Variants in RASAL1 observed in about 807,000 individuals in gnomAD.
RASAL1 encodes rasGAP-activating-like protein 1.
Under a neutral mutation model 96.6 loss-of-function variants are expected in RASAL1, and 72 were observed. The ratio of observed to expected loss-of-function variants is 0.75; its 90% CI spans 0.62 to 0.91. The LOEUF (loss-of-function observed/expected upper bound fraction) is 0.91, where lower values mean the gene tolerates loss of function less well. Ranked by LOEUF, RASAL1 falls within the 40% of genes least tolerant of loss-of-function variation. The probability of loss-of-function intolerance (pLI) is 0.00; values close to 1 mark genes in which losing one functional copy is unlikely to be tolerated. For missense variants in RASAL1, 1,016 were observed against 1,072.5 expected (o/e 0.95, Z 0.74); for synonymous variants, 405 against 430.4 (o/e 0.94, Z 0.73).
intron 20 of RASAL1, 141 bp downstream of exon 20, chr12:113,100,487 C>T (rs1390762823): frequency 4.5e-6 from 3 of 666,690 alleles, no homozygotes; most frequent in Non-Finnish European, 7.8e-6. Flanking sequence ...TTAGTAGAGA[C>T]AGGGTTTCAC....
chr12:113,114,896 T>C lies in RASAL1; in HGVS notation c.1085A>G (p.Tyr362Cys), dbSNP rs1434451337. 6.2e-7 allele frequency: 1 copy of C among 1,613,908 alleles called. No individual in the cohort carries two copies. The highest frequency in any genetic ancestry group is 8.5e-7 in the Non-Finnish European group (1 of 1,179,922). Reference sequence around the variant, plus strand: ...CACAGGCTTCAGGACCTCGTGCAGGTAGGGCATGCCCACGAGCTGGGGGCA... The same window carrying C: ...CACAGGCTTCAGGACCTCGTGCAGGCAGGGCATGCCCACGAGCTGGGGGCA... ...EQFMKLVGMP[Y>C]LHEVLKPVIS... Residue 362 changes from tyrosine (Y) to cysteine (C), a missense_variant, in exon 12 of 21, where the codon TAC (tyrosine) becomes TGC (cysteine). Physicochemically the swap from Tyr to Cys is radical, Grantham distance 194. Coordinates refer to ENST00000548055, the MANE Select transcript of RASAL1 (RefSeq NM_001301202.2).
chr12:113,112,776 C>A (rs1412505693), intron 12 of RASAL1, among the ~76,000 whole-genome samples: 13 of 152,090 alleles, frequency 8.5e-5, no homozygotes. Context: ...CATGGTGAAA[C>A]TCCATCTCCA....
intron 7 of RASAL1, among the ~76,000 whole-genome samples, chr12:113,117,779 C>T (rs1426976393): frequency 6.6e-6 from 1 of 152,196 alleles, no homozygotes; most frequent in African/African-American, 2.4e-5. Flanking sequence ...GTAGATTTGC[C>T]TATTCTAGAC....
chr12:113,105,921 G>A (rs961578683), intron 15 of RASAL1, 35 bp from the exon 16 acceptor site: 3 of 1,587,234 alleles, frequency 1.9e-6, no homozygotes, highest in Admixed American at 3.4e-5. Flanking sequence ...TGGACAGTGA[G>A]CCCTCCCTAA....
Position 113,114,920 on chromosome 12 carries a change from C to T in RASAL1, c.1069-8G>A, listed in dbSNP as rs1157420171. 3 of 1,607,040 alleles carry T rather than the reference C, an allele frequency of 1.9e-6. No homozygotes were observed. The highest frequency in any genetic ancestry group is 2.6e-6 in the Non-Finnish European group (3 of 1,174,180). On this transcript the variant is annotated splice_polypyrimidine_tract_variant and splice_region_variant and intron_variant, in intron 11 of 20. Coordinates refer to ENST00000548055, the MANE Select transcript of RASAL1 (RefSeq NM_001301202.2). The stretch of plus-strand genomic sequence containing the variant: ...GTAGGGCATGCCCACGAGCTGGGGG[C>T]AGGGGGCACCACACGGGGTGGGGCT...
Position 113,105,734 on chromosome 12 carries a change from A to T in RASAL1, c.1810T>A (p.Ser604Thr), listed in dbSNP as rs137949771. 1,032 of 1,611,092 alleles carry T rather than the reference A, an allele frequency of 6.4e-4. No individual in the cohort carries two copies. Among genetic ancestry groups the T allele is most frequent in the Non-Finnish European group, 8.2e-4 (966 of 1,178,172 alleles). ...CCCACCTGCCACTCAGGACTCTTGG[A>T]GAAGGAGAGGGTCTCCCCGCTGAGC... ...VWLSGETLSF[S>T]KSPEWQMCHS... is the part of the protein sequence containing the mutation. Residue 604 changes from serine (S) to threonine (T), a missense_variant, in exon 16 of 21, where the codon TCC becomes ACC. Physicochemically the swap from Ser to Thr is moderately conservative, Grantham distance 58. Transcript: ENST00000548055.
rs747351243 is a variant in RASAL1 at position 113,101,960 on chromosome 12, A to G, written c.2154T>C (p.Ser718=). 8.1e-6 allele frequency: 13 copies of G among 1,613,928 alleles called. No homozygotes were observed. Among genetic ancestry groups the G allele is most frequent in the Non-Finnish European group, 1.1e-5 (13 of 1,180,004 alleles). The change falls in exon 19 of 21, where the codon AGT becomes AGC. Residue 718 remains serine (S), a synonymous_variant. Coordinates refer to ENST00000548055, the MANE Select transcript of RASAL1 (RefSeq NM_001301202.2). ...CCTCAGCATCAGGATCCAGTGGGTC[A>G]CTCCAGTCCCCCAGGGTGACAGCTG... ...THSAVTLGDW[S]DPLDPDAEAQ... is the part of the protein sequence containing the mutation.
rs1950883108 is a variant in RASAL1, at chr12:113,112,100, G to T, written c.1360C>A (p.Gln454Lys). The change falls in exon 13 of 21, where the codon CAG becomes AAG. Residue 454 changes from glutamine (Q) to lysine (K), a missense_variant. Coordinates refer to ENST00000548055, the MANE Select transcript of RASAL1 (RefSeq NM_001301202.2). ...LHRRVEERFPQAEHQDVKYLA... is the reference protein window; with the variant it reads ...LHRRVEERFPKAEHQDVKYLA... ...TCCTGGCGCACCTGGTGCTCGGCCT[G>T]GGGGAAGCGCTCCTCCACTCGCCGG... 5 of 1,243,252 alleles carry T rather than the reference G, an allele frequency of 4.0e-6. No homozygotes were observed. Among genetic ancestry groups the T allele is most frequent in the Non-Finnish European group, 5.1e-6 (5 of 989,898 alleles). 77.0% of individuals were successfully genotyped at this position (1,243,252 alleles called of 1,614,324 possible).
chr12:113,113,877 T>G (rs1299062884), intron 12 of RASAL1, among the ~76,000 whole-genome samples: 2 of 152,070 alleles, frequency 1.3e-5, no homozygotes, highest in African/African-American at 4.8e-5. Flanking sequence ...CTCTCCACGA[T>G]CTCCCTTGCA....
chr12:113,107,296 C>T, intron 14 of RASAL1, 55 bp from the exon 15 acceptor site: 4 of 1,503,668 alleles, frequency 2.7e-6, no homozygotes, highest in Non-Finnish European at 3.6e-6. Context: ...AGGGTAGGGC[C>T]CCTCCTGGCT....
At chr12:113,127,680 T>C in intron 4 of RASAL1, 132 bp downstream of exon 4, 2 of 773,648 alleles carry the variant, frequency 2.6e-6, no homozygotes, top group Non-Finnish European at 4.1e-6. Flanking sequence ...AAACAAAAAG[T>C]AAAGACAAAA....
At chr12:113,133,750 T>C (rs1951804969) in intron 1 of RASAL1, among the ~76,000 whole-genome samples, 1 of 152,036 alleles carries the variant, frequency 6.6e-6, no homozygotes, top group African/African-American at 2.4e-5. Context: ...TGAGGCAGGG[T>C]GGCCAGAACC....
At chr12:113,114,722 A>G in intron 12 of RASAL1, 78 bp downstream of exon 12, 2 of 1,292,616 alleles carry the variant, frequency 1.5e-6, no homozygotes, top group Non-Finnish European at 1.1e-6. Flanking sequence ...GGCAGTCAGC[A>G]TGAACCCAGC....
intron 19 of RASAL1, 129 bp from the exon 20 acceptor site, chr12:113,100,809 C>CGAG: frequency 1.4e-6 from 1 of 711,924 alleles, no homozygotes; most frequent in Non-Finnish European, 2.5e-6. Context: ...TCATCATCAT[C>CGAG]ATCTACACAG....
intron 3 of RASAL1, 75 bp from the exon 4 acceptor site, chr12:113,127,948 G>A (rs1951553905): frequency 3.8e-6 from 6 of 1,573,374 alleles, no homozygotes; most frequent in South Asian, 2.3e-5. Context: ...GGGGGCAGGT[G>A]TCAAGGTCTG....
chr12:113,128,251 C>A, intron 2 of RASAL1, 73 bp from the exon 3 acceptor site: 1 of 537,358 alleles, frequency 1.9e-6, no homozygotes, highest in Non-Finnish European at 3.3e-6. Flanking sequence ...CCCAGACACA[C>A]ACACACACAC....
At chr12:113,108,900 T>C (rs548851734) in intron 13 of RASAL1, among the ~76,000 whole-genome samples, 2 of 150,654 alleles carry the variant, frequency 1.3e-5, no homozygotes, top group Non-Finnish European at 3.0e-5. Context: ...AGTGGCACGA[T>C]CTCTGCTTAC....
intron 8 of RASAL1, among the ~76,000 whole-genome samples, 171 bp downstream of exon 8, chr12:113,116,902 T>C (rs1346630457): frequency 6.6e-6 from 1 of 152,264 alleles, no homozygotes; most frequent in Non-Finnish European, 1.5e-5. Context: ...AGTGAACTTA[T>C]GTGGATTTAT....
chr12:113,130,542 C>T lies in RASAL1; in HGVS notation c.122+343G>A, dbSNP rs1951664705. Among the ~76,000 whole-genome samples the T allele has an allele frequency of 6.6e-6, 1 of 152,188 alleles. No homozygotes were observed. The highest frequency in any genetic ancestry group is 2.4e-5 in the African/African-American group (1 of 41,446). ...ACACACATGCACATGCCCACGCGCACAGACATCCCCAGTGCCCGCAGCACC... is the reference window on the plus strand; with the variant it reads ...ACACACATGCACATGCCCACGCGCATAGACATCCCCAGTGCCCGCAGCACC... On this transcript the variant is annotated intron_variant, in intron 2 of 20. Transcript: ENST00000548055. The surrounding 1 kb of genome is among the most constrained non-coding windows in gnomAD (Gnocchi z 5.1).
Sources: gnomAD v4.1 joint callset for allele counts (sites outside exome capture counted in the v4.1 genomes callset) on GRCh38, gnomAD v4.1.1 for gene constraint, Gnocchi (gnomAD v3.1) non-coding constraint, MANE v1.5 for transcripts, NCBI Gene and HGNC (gene_info 2026-07-23, HGNC 2026-07-21) for gene names.